The following SMIM19 variants were observed in gnomAD, a reference collection of about 807,000 sequenced individuals.
The protein encoded by SMIM19 is UPF0697 protein C8orf40.
In SMIM19, 6 loss-of-function variants were observed where a neutral mutation model predicts 13.2. The ratio of observed to expected loss-of-function variants is 0.45; its 90% CI spans 0.25 to 0.90. The LOEUF is 0.90. Among genes scored for constraint, SMIM19 ranks in the 40% least tolerant of loss-of-function variants. SMIM19 has a pLI of 0.19. For missense variants in SMIM19, 138 were observed against 131.0 expected (o/e 1.05, Z -0.26); for synonymous variants, 46 against 43.1 (o/e 1.07, Z -0.27).
At chr8:42,550,458 G>T (rs1449524713) in intron 3 of SMIM19, among the ~76,000 whole-genome samples, 1 of 152,126 alleles carries the variant, frequency 6.6e-6, no homozygotes, top group Non-Finnish European at 1.5e-5. Flanking sequence ...TTTTTCTAGA[G>T]CCTCCAAGGA....
intron 3 of SMIM19, among the ~76,000 whole-genome samples, 182 bp downstream of exon 3, chr8:42,548,962 G>T (rs931187185): frequency 6.6e-6 from 1 of 152,086 alleles, no homozygotes; most frequent in Non-Finnish European, 1.5e-5. Flanking sequence ...TATACCATTT[G>T]CATGTGTTAC....
At chr8:42,545,552 A>T (rs532689357) in intron 1 of SMIM19, among the ~76,000 whole-genome samples, 8 of 152,010 alleles carry the variant, frequency 5.3e-5, no homozygotes, top group African/African-American at 1.9e-4. Context: ...GTTTTTTGAG[A>T]TGGAGTCCCG....
At position 42,554,644 on chromosome 8, in the gene SMIM19, A is replaced by G. The variant is rs1337528909; in HGVS notation, c.*2036A>G. The G allele has an allele frequency of 6.6e-6, 1 of 152,216 alleles. No individual in the cohort carries two copies. Among genetic ancestry groups the G allele is most frequent in the African/African-American group, 2.4e-5 (1 of 41,450 alleles). The allele number at this position is 152,216 out of a possible 1,614,324, so 9.4% of individuals were successfully genotyped here. ...CAGGAACAACAGCAAGCCGGCTTTG[A>G]AGTCTCTTCCCTGCTTCAACAGCTG... On this transcript the variant is annotated 3_prime_UTR_variant, in exon 4 of 4. Coordinates refer to ENST00000417410, the MANE Select transcript of SMIM19 (RefSeq NM_001135674.2).
At chr8:42,544,221 C>T (rs1359503772) in intron 1 of SMIM19, among the ~76,000 whole-genome samples, 1 of 151,114 alleles carries the variant, frequency 6.6e-6, no homozygotes, top group Non-Finnish European at 1.5e-5. Context: ...ACCATCCTGG[C>T]TTACACGGTG....
chr8:42,548,491 G>T (rs1813560232), intron 2 of SMIM19, 165 bp from the exon 3 acceptor site: 1 of 811,650 alleles, frequency 1.2e-6, no homozygotes, highest in East Asian at 2.9e-5. Flanking sequence ...GTGAAAGAAA[G>T]AATACTTTGA....
intron 1 of SMIM19, among the ~76,000 whole-genome samples, chr8:42,544,657 C>T (rs953064950): frequency 6.6e-6 from 1 of 152,140 alleles, no homozygotes; most frequent in South Asian, 2.1e-4. Flanking sequence ...CACTCCTGCC[C>T]TCAGTGTGAA....
intron 1 of SMIM19, among the ~76,000 whole-genome samples, chr8:42,545,360 A>C (rs1813442570): frequency 6.6e-6 from 1 of 152,182 alleles, no homozygotes; most frequent in African/African-American, 2.4e-5. Context: ...GTATCTTTTC[A>C]TCCCATAGCT....
At chr8:42,550,667 A>T (rs912067343) in intron 3 of SMIM19, among the ~76,000 whole-genome samples, 2 of 152,188 alleles carry the variant, frequency 1.3e-5, no homozygotes, top group Non-Finnish European at 2.9e-5. Flanking sequence ...CAGATAATCC[A>T]GAGTCATCTC....
rs1813712900 is a variant in SMIM19 at position 42,552,665 on chromosome 8, A to C, written c.*57A>C. On this transcript the variant is annotated 3_prime_UTR_variant, in exon 4 of 4. Transcript: ENST00000417410. ...TTTCAAGCTCCTGATTCTTTCTACT[A>C]AATCATGAACAGCTTTAAAAACATT... 1.3e-6 allele frequency: 2 copies of C among 1,553,208 alleles called. No homozygotes were observed. Among genetic ancestry groups the C allele is most frequent in the Non-Finnish European group, 1.8e-6 (2 of 1,129,358 alleles).
rs1258834558 is a variant in SMIM19 at position 42,541,717 on chromosome 8, C to T, written c.-661C>T. ...CCGGAGCCGGCAGCGTGAGTGGCCC[C>T]GCGTCCCCGCTTCTCCCGGTCCCCG... On this transcript the variant is annotated 5_prime_UTR_variant, in exon 1 of 4. Coordinates refer to ENST00000417410, the MANE Select transcript of SMIM19 (RefSeq NM_001135674.2). 2 of 149,272 alleles carry T rather than the reference C, an allele frequency of 1.3e-5. No homozygotes were observed. The highest frequency in any genetic ancestry group is 6.6e-5 in the Admixed American group (1 of 15,058). 9.2% of individuals were successfully genotyped at this position (149,272 alleles called of 1,614,324 possible).
Position 42,543,333 on chromosome 8 carries a change from C to T in SMIM19, c.-5+960C>T, listed in dbSNP as rs538637273. Among the ~76,000 whole-genome samples the T allele has an allele frequency of 6.6e-5, 10 of 152,190 alleles. No individual in the cohort carries two copies. In the East Asian group the frequency reaches 1.9e-3, roughly 29 times the overall value. On this transcript the variant is annotated intron_variant, in intron 1 of 3. Coordinates refer to ENST00000417410, the MANE Select transcript of SMIM19 (RefSeq NM_001135674.2). ...TACTGTGACTCAGGACCAGAGCACT[C>T]CTTACTCCTGGCAGCCTTATAAAGT...
chr8:42,549,755 A>G (rs186595353), intron 3 of SMIM19, among the ~76,000 whole-genome samples: 1 of 152,094 alleles, frequency 6.6e-6, no homozygotes, highest in Admixed American at 6.6e-5. Context: ...TTACCACATT[A>G]AAAAAAATCC....
At chr8:42,551,798 G>C (rs910272268) in intron 3 of SMIM19, among the ~76,000 whole-genome samples, 3 of 151,910 alleles carry the variant, frequency 2.0e-5, no homozygotes, top group Admixed American at 6.6e-5. Context: ...AAAAAAATTA[G>C]CTGGGTGTGG....
intron 2 of SMIM19, 173 bp from the exon 3 acceptor site, chr8:42,548,483 G>C (rs1023591555): frequency 2.6e-6 from 2 of 769,396 alleles, no homozygotes; most frequent in Non-Finnish European, 2.2e-6. Context: ...ACTTTTTAGT[G>C]AAAGAAAGAA....
chr8:42,552,217 A>C (rs1003078896), intron 3 of SMIM19, among the ~76,000 whole-genome samples: 2 of 152,048 alleles, frequency 1.3e-5, no homozygotes, highest in Non-Finnish European at 2.9e-5. Flanking sequence ...CCAGGAGTTC[A>C]AGACCAGCCT....
chr8:42,542,437 T>G (rs145320140), intron 1 of SMIM19, 64 bp downstream of exon 1: 1 of 985,134 alleles, frequency 1.0e-6, no homozygotes, highest in African/African-American at 1.7e-5. Context: ...GAGAAAGAAA[T>G]CCCATTTTTT....
At chr8:42,548,148 G>A (rs1015859033) in intron 2 of SMIM19, among the ~76,000 whole-genome samples, 3 of 152,116 alleles carry the variant, frequency 2.0e-5, no homozygotes, top group Non-Finnish European at 4.4e-5. Flanking sequence ...AGCCACCGCC[G>A]CCTCCCCATG....
chr8:42,549,331 G>A (rs1353809838), intron 3 of SMIM19, among the ~76,000 whole-genome samples: 3 of 152,030 alleles, frequency 2.0e-5, no homozygotes, highest in Non-Finnish European at 4.4e-5. Flanking sequence ...AGAATCGCTC[G>A]AACCTGGGAG....
chr8:42,542,514 G>A (rs999354701), intron 1 of SMIM19, 141 bp downstream of exon 1: 53 of 975,434 alleles, frequency 5.4e-5, no homozygotes, highest in Non-Finnish European at 6.3e-5. Flanking sequence ...TTGTATCAAA[G>A]TAACAAAGTT....
Sources: gnomAD v4.1 joint callset for allele counts (sites outside exome capture counted in the v4.1 genomes callset) on GRCh38, gnomAD v4.1.1 for gene constraint, MANE v1.5 for transcripts, NCBI Gene and HGNC (gene_info 2026-07-23, HGNC 2026-07-21) for gene names.